IRGM: variants seen among roughly 807,000 people sequenced by gnomAD.
The protein encoded by IRGM is immunity related GTPase M.
For missense variants in IRGM, 288 were observed against 219.9 expected, an observed-to-expected ratio of 1.31 and a Z score of -1.96; for synonymous variants, 98 against 80.6, an observed-to-expected ratio of 1.22 and a Z score of -1.16.
rs1397179992 is a variant in IRGM at position 150,859,435 on chromosome 5, G to A, written c.158+10781G>A. Among the ~76,000 whole-genome samples the A allele has an allele frequency of 2.6e-5, 4 of 152,302 alleles. No individual in the cohort carries two copies. In the East Asian group the frequency reaches 7.7e-4, roughly 29 times the overall value. ...AGGCTTTGGTATCAGGATGATGCTG[G>A]CCTCATAAAATGAGTTAGGGAGGAT... On this transcript the variant is annotated intron_variant and NMD_transcript_variant, in intron 1 of 3. Transcript: ENST00000520549.
intron 3 of IRGM, chr5:150,896,702 T>C (rs752873774): frequency 1.2e-6 from 2 of 1,613,580 alleles, no homozygotes; most frequent in Admixed American, 3.3e-5. Context: ...TCTGTATTGA[T>C]ATATCTGTTT....
At chr5:150,884,034 C>T (rs993741651) in intron 3 of IRGM, among the ~76,000 whole-genome samples, 3 of 151,838 alleles carry the variant, frequency 2.0e-5, no homozygotes, top group Admixed American at 2.0e-4. Flanking sequence ...AAATGGATCG[C>T]TCACCACAAT....
chr5:150,866,569 CA>C (rs758007041), intron 1 of IRGM, among the ~76,000 whole-genome samples: 2 of 151,686 alleles, frequency 1.3e-5, no homozygotes, highest in Non-Finnish European at 2.9e-5. Flanking sequence ...AAACTTCTGA[CA>C]AAAATCAATA....
chr5:150,880,650 A>T (rs1754430659), intron 3 of IRGM, among the ~76,000 whole-genome samples: 1 of 152,176 alleles, frequency 6.6e-6, no homozygotes, highest in African/African-American at 2.4e-5. Flanking sequence ...AGTTGTCCAG[A>T]GTATACCTTC....
At chr5:150,891,740 G>A (rs1031384285) in intron 3 of IRGM, among the ~76,000 whole-genome samples, 1 of 152,052 alleles carries the variant, frequency 6.6e-6, no homozygotes, top group African/African-American at 2.4e-5. Flanking sequence ...ATCTCTGGCA[G>A]CTGTAATTGT....
At chr5:150,863,926 C>T (rs1754170616) in intron 1 of IRGM, among the ~76,000 whole-genome samples, 1 of 152,214 alleles carries the variant, frequency 6.6e-6, no homozygotes, top group Admixed American at 6.5e-5. Context: ...TCTGGAGGCA[C>T]TTACCAAGCA....
At chr5:150,873,570 T>G (rs1171462032) in intron 1 of IRGM, among the ~76,000 whole-genome samples, 1 of 152,256 alleles carries the variant, frequency 6.6e-6, no homozygotes, top group Non-Finnish European at 1.5e-5. Context: ...AACATCATTG[T>G]GGCCTTCCAG....
intron 1 of IRGM, among the ~76,000 whole-genome samples, chr5:150,865,013 G>A (rs1240259620): frequency 6.6e-6 from 1 of 152,186 alleles, no homozygotes; most frequent in African/African-American, 2.4e-5. Context: ...CCATCTCTCT[G>A]TTTGTCTCTT....
chr5:150,854,245 T>C lies in IRGM; in HGVS notation c.158+5591T>C, dbSNP rs149515402. 9.4e-4 allele frequency among the ~76,000 whole-genome samples: 143 copies of C among 152,230 alleles called. 1 individual carries two copies. The highest frequency in any genetic ancestry group is 3.3e-3 in the African/African-American group (137 of 41,578). ...TTTGTTATGTTATTTCTGTCAAAAA[T>C]CAATCTTTATATATGTTGTGTACCT... On this transcript the variant is annotated intron_variant and NMD_transcript_variant, in intron 1 of 3. Coordinates refer to the IRGM transcript ENST00000520549.
chr5:150,853,871 C>G (rs1754010802), intron 1 of IRGM, among the ~76,000 whole-genome samples: 1 of 152,096 alleles, frequency 6.6e-6, no homozygotes, highest in Non-Finnish European at 1.5e-5. Flanking sequence ...TCCCCAACCC[C>G]ATTCTACCAA....
chr5:150,896,058 G>C (rs1403070905), intron 3 of IRGM: 1 of 1,613,536 alleles, frequency 6.2e-7, no homozygotes. Flanking sequence ...AATCAGCTGT[G>C]ACTTCTGGGA....
At chr5:150,870,905 A>C (rs1002759363) in intron 1 of IRGM, among the ~76,000 whole-genome samples, 1 of 151,968 alleles carries the variant, frequency 6.6e-6, no homozygotes, top group African/African-American at 2.4e-5. Flanking sequence ...GACCAACTCT[A>C]TCCGTCTTGA....
Position 150,847,917 on chromosome 5 carries a change from C to T in IRGM, c.-207C>T, listed in dbSNP as rs889277775. On this transcript the variant is annotated 5_prime_UTR_variant, in exon 2 of 2. Transcript: ENST00000522154. ...TCCAGGGTTCAAGCGATTCCCCTGC[C>T]TCAGCCTCCTGTATTAGCTGGGACT... 1.5e-5 allele frequency: 8 copies of T among 543,290 alleles called. No homozygotes were observed. Among genetic ancestry groups the T allele is most frequent in the Admixed American group, 3.3e-5 (1 of 30,488 alleles). The allele number at this position is 543,290 out of a possible 1,614,324, so 33.7% of individuals were successfully genotyped here. A position where few individuals can be genotyped will look rare whatever the true frequency, so the allele number is the denominator to read the frequency against.
chr5:150,875,523 C>G (rs891973746), intron 1 of IRGM, among the ~76,000 whole-genome samples: 1 of 152,140 alleles, frequency 6.6e-6, no homozygotes, highest in African/African-American at 2.4e-5. Flanking sequence ...ACATTTGTAT[C>G]CCATGTGATT....
chr5:150,892,928 T>A (rs914048375), intron 3 of IRGM, among the ~76,000 whole-genome samples: 2 of 151,992 alleles, frequency 1.3e-5, no homozygotes, highest in Non-Finnish European at 2.9e-5. Flanking sequence ...TCCTATTTTG[T>A]GTGTTTTCCT....
At chr5:150,864,099 C>T (rs1754173060) in intron 1 of IRGM, among the ~76,000 whole-genome samples, 1 of 152,120 alleles carries the variant, frequency 6.6e-6, no homozygotes. Context: ...AAATTTCAGG[C>T]ACAGAGCTGG....
chr5:150,849,860 C>A (rs1216504067), downstream of IRGM, among the ~76,000 whole-genome samples: 1 of 152,076 alleles, frequency 6.6e-6, no homozygotes, highest in Non-Finnish European at 1.5e-5. Flanking sequence ...CTGCCTTGGC[C>A]TTCCAAAGTG....
At chr5:150,876,518 T>C (rs1754365217) in intron 1 of IRGM, among the ~76,000 whole-genome samples, 2 of 152,164 alleles carry the variant, frequency 1.3e-5, no homozygotes, top group South Asian at 4.1e-4. Context: ...AGTTACAGTG[T>C]TGGTTGGGGT....
rs1223081022 is a variant in IRGM, at chr5:150,848,538, A to C, written c.415A>C (p.Lys139Gln). The change falls in exon 2 of 2, where the codon AAG (lysine) becomes CAG (glutamine). Residue 139 changes from lysine to glutamine, a missense_variant. By Grantham distance (53) the Lys-to-Gln change is moderately conservative. Transcript: ENST00000522154. The part of the protein sequence containing the change: ...MLAKTAEDMG[K>Q]KFYIVWTKLD... ...TGCCAAAACCGCTGAGGACATGGGAAAGAAGTTCTACATTGTCTGGACCAA... is the reference window on the plus strand; with the variant it reads ...TGCCAAAACCGCTGAGGACATGGGACAGAAGTTCTACATTGTCTGGACCAA... 5.8e-6 allele frequency: 9 copies of C among 1,551,750 alleles called. No homozygotes were observed. The South Asian group carries it at 1.1e-4, about 18-fold the overall frequency.
Sources: gnomAD v4.1 joint callset for allele counts (sites outside exome capture counted in the v4.1 genomes callset) on GRCh38, gnomAD v4.1.1 for gene constraint, MANE v1.5 for transcripts, NCBI Gene and HGNC (gene_info 2026-07-23, HGNC 2026-07-21) for gene names.